The following ARHGAP6 variants were observed in gnomAD, a reference collection of about 807,000 sequenced individuals.
ARHGAP6 encodes Rho GTPase activating protein 6.
ARHGAP6 carries 16 observed loss-of-function variants against 55.7 expected under a neutral mutation model. That is an observed-to-expected ratio of 0.29 (90% CI 0.19 to 0.44). ARHGAP6 has a LOEUF of 0.44. Ranked by LOEUF, ARHGAP6 falls within the 20% of genes least tolerant of loss-of-function variation. The pLI, the probability that ARHGAP6 is intolerant of heterozygous loss-of-function variation, is 1.00. For synonymous variants in ARHGAP6, 382 were observed against 360.9 expected, an observed-to-expected ratio of 1.06 and a Z score of -0.66; for missense variants, 698 against 808.9, an observed-to-expected ratio of 0.86 and a Z score of 1.66.
chrX:11,140,455 G>A (rs1271214236), intron 12 of ARHGAP6, among the ~76,000 whole-genome samples: 2 of 103,145 alleles, frequency 1.9e-5, no homozygotes, highest in African/African-American at 3.6e-5. Context: ...AAAACTAAAC[G>A]AATGCCTTCC....
intron 2 of ARHGAP6, among the ~76,000 whole-genome samples, chrX:11,235,324 C>T (rs2047184069): frequency 8.8e-6 from 1 of 113,005 alleles, no homozygotes; most frequent in Non-Finnish European, 1.9e-5. Context: ...GGAGCTGAAG[C>T]AGCTGGAACT....
intron 1 of ARHGAP6, among the ~76,000 whole-genome samples, chrX:11,596,014 C>T (rs190521606): frequency 4.5e-5 from 5 of 112,003 alleles, no homozygotes; most frequent in South Asian, 3.7e-4. Flanking sequence ...GACGGTGTGA[C>T]GATTCCTCAA....
chrX:11,606,514 A>T (rs2147147831), intron 1 of ARHGAP6, among the ~76,000 whole-genome samples: 1 of 111,746 alleles, frequency 8.9e-6, no homozygotes, highest in Admixed American at 9.5e-5. Flanking sequence ...TGTGGCAAAC[A>T]GGATCAATGA....
chrX:11,279,935 C>G (rs2047832930), intron 1 of ARHGAP6, among the ~76,000 whole-genome samples: 1 of 111,489 alleles, frequency 9.0e-6, no homozygotes, highest in Non-Finnish European at 1.9e-5. Flanking sequence ...TCTATAAGCA[C>G]TAGCTTAGTA....
At chrX:11,523,483 A>G (rs910190678) in intron 1 of ARHGAP6, among the ~76,000 whole-genome samples, 4 of 112,070 alleles carry the variant, frequency 3.6e-5, no homozygotes, top group Non-Finnish European at 7.5e-5. Context: ...TATCTAGAAT[A>G]TCCCATCGTC....
At chrX:11,433,535 C>A (rs2049960139) in intron 1 of ARHGAP6, among the ~76,000 whole-genome samples, 1 of 112,121 alleles carries the variant, frequency 8.9e-6, no homozygotes, top group African/African-American at 3.2e-5. Flanking sequence ...TTCCAAATAA[C>A]CATTTGGGAA....
At chrX:11,217,397 G>A (rs187334570) in intron 2 of ARHGAP6, among the ~76,000 whole-genome samples, 166 of 111,830 alleles carry the variant, frequency 1.5e-3, no homozygotes, top group Non-Finnish European at 2.6e-3. Context: ...ACTTTTTAAT[G>A]ATCAGTATTC....
At chrX:11,625,075 T>C (rs2052279376) in intron 1 of ARHGAP6, among the ~76,000 whole-genome samples, 1 of 111,852 alleles carries the variant, frequency 8.9e-6, no homozygotes, top group Non-Finnish European at 1.9e-5. Flanking sequence ...TAAATTAGTA[T>C]AGCCATTATG....
chrX:11,573,018 C>T (rs2051546447), intron 1 of ARHGAP6, among the ~76,000 whole-genome samples: 1 of 111,386 alleles, frequency 9.0e-6, no homozygotes, highest in Non-Finnish European at 1.9e-5. Context: ...TGTCCTTTGC[C>T]CACTTTTTGA....
intron 1 of ARHGAP6, among the ~76,000 whole-genome samples, chrX:11,511,364 G>C (rs149390348): frequency 8.9e-4 from 100 of 112,146 alleles, no homozygotes; most frequent in African/African-American, 3.2e-3. Context: ...CCTTGCATTA[G>C]ACTTTATACC....
At position 11,568,192 on chromosome X, in the gene ARHGAP6, T is replaced by A. The variant is rs147847612; in HGVS notation, c.588+96049A>T. On this transcript the variant is annotated intron_variant, in intron 1 of 12. Transcript: ENST00000337414. ...TGTCAACTGCACACAAAATAACTGCTGAATCTCCAACAAAAAATAGTGTGG... is the reference window on the plus strand; with the variant it reads ...TGTCAACTGCACACAAAATAACTGCAGAATCTCCAACAAAAAATAGTGTGG... Among the ~76,000 whole-genome samples, 1,119 of 112,036 alleles carry A rather than the reference T, an allele frequency of 1.0e-2. 6 individuals carry two copies. The highest frequency in any genetic ancestry group is 0.016 in the Non-Finnish European group (841 of 53,201).
At chrX:11,442,974 T>C (rs1413181689) in intron 1 of ARHGAP6, among the ~76,000 whole-genome samples, 1 of 112,148 alleles carries the variant, frequency 8.9e-6, no homozygotes, top group Non-Finnish European at 1.9e-5. Context: ...TGAAACTCTT[T>C]ATTGAAATAC....
At chrX:11,354,327 CTA>C (rs1174449401) in intron 1 of ARHGAP6, among the ~76,000 whole-genome samples, 3,313 of 31,724 alleles carry the variant, frequency 0.1, 118 homozygotes, top group Non-Finnish European at 0.14. Context: ...CTCTCTCTCT[CTA>C]TATATATATA....
rs181918045 is a variant in ARHGAP6 at position 11,442,617 on chromosome X, C to T, written c.589-187910G>A. On this transcript the variant is annotated intron_variant, in intron 1 of 12. Coordinates refer to ENST00000337414, the MANE Select transcript of ARHGAP6 (RefSeq NM_013427.3). Reference sequence around the variant, plus strand: ...ATAAATTCCACATTCAGCTTCTTTGCATCCTTTGCTCTCTCCTTTGGCAAG... The same window carrying T: ...ATAAATTCCACATTCAGCTTCTTTGTATCCTTTGCTCTCTCCTTTGGCAAG... 7.1e-5 allele frequency among the ~76,000 whole-genome samples: 8 copies of T among 112,274 alleles called. No homozygotes were observed. In the East Asian group the frequency reaches 2.2e-3, roughly 31 times the overall value.
intron 1 of ARHGAP6, among the ~76,000 whole-genome samples, chrX:11,481,564 C>T (rs187916188): frequency 2.7e-5 from 3 of 112,490 alleles, no homozygotes; most frequent in Admixed American, 1.9e-4. Flanking sequence ...GCAGGCATTT[C>T]CTAGTGGAGT....
chrX:11,172,822 A>G (rs907877327), intron 8 of ARHGAP6, among the ~76,000 whole-genome samples: 4 of 111,827 alleles, frequency 3.6e-5, no homozygotes, highest in African/African-American at 1.3e-4. Context: ...TGTCTAGGTA[A>G]TACAACGTAC....
At chrX:11,434,456 G>A (rs2049968828) in intron 1 of ARHGAP6, among the ~76,000 whole-genome samples, 1 of 111,055 alleles carries the variant, frequency 9.0e-6, no homozygotes. Flanking sequence ...AACAGACTGG[G>A]TAAAAATTGG....
At chrX:11,602,565 T>C (rs1329917847) in intron 1 of ARHGAP6, among the ~76,000 whole-genome samples, 1 of 112,941 alleles carries the variant, frequency 8.9e-6, no homozygotes, top group Non-Finnish European at 1.9e-5. Flanking sequence ...TGGTTAGGTC[T>C]ATGTCATGAG....
intron 8 of ARHGAP6, 127 bp from the exon 9 acceptor site, chrX:11,169,811 T>A: frequency 2.1e-6 from 1 of 487,289 alleles, no homozygotes; most frequent in Non-Finnish European, 3.2e-6. Flanking sequence ...CCATCCTCTC[T>A]GTCAGAATCC....
Sources: allele counts gnomAD v4.1 joint callset (sites outside exome capture counted in the v4.1 genomes callset), GRCh38; gene constraint gnomAD v4.1.1; transcripts MANE v1.5; gene names NCBI Gene and HGNC (gene_info 2026-07-23, HGNC 2026-07-21).